Variants in GALC observed in about 807,000 individuals in gnomAD.
The protein encoded by GALC is galactocerebrosidase.
GALC carries 77 observed loss-of-function variants against 91.8 expected under a neutral mutation model. That is an observed-to-expected ratio of 0.84 (90% CI 0.70 to 1.01). The LOEUF is 1.01. Among genes scored for constraint, GALC ranks in the 50% least tolerant of loss-of-function variants. GALC has a pLI of 0.00. For synonymous variants in GALC, 357 were observed against 306.7 expected (o/e 1.16, Z -1.71); for missense variants, 882 against 855.9 (o/e 1.03, Z -0.38).
chr14:87,963,914 C>T (rs981939383), intron 9 of GALC, among the ~76,000 whole-genome samples: 5 of 151,936 alleles, frequency 3.3e-5, no homozygotes, highest in African/African-American at 1.2e-4. Context: ...TATTTATTTC[C>T]ACCACATGTA....
intron 14 of GALC, among the ~76,000 whole-genome samples, chr14:87,944,039 T>C (rs1884969417): frequency 6.6e-6 from 1 of 151,912 alleles, no homozygotes. Flanking sequence ...CCGGTTCCTT[T>C]CCTTTCAGAA....
At chr14:87,937,847 C>CAT (rs1353876630) in intron 16 of GALC, among the ~76,000 whole-genome samples, 2 of 151,482 alleles carry the variant, frequency 1.3e-5, no homozygotes, top group East Asian at 3.9e-4. Flanking sequence ...AACTGAAGGA[C>CAT]ATAGTGGCAA....
At chr14:87,955,761 T>A (rs1885511017) in intron 10 of GALC, among the ~76,000 whole-genome samples, 1 of 151,914 alleles carries the variant, frequency 6.6e-6, no homozygotes, top group Admixed American at 6.6e-5. Flanking sequence ...CGTTCTGTGG[T>A]TAGTTCGTGT....
intron 6 of GALC, among the ~76,000 whole-genome samples, chr14:87,980,958 G>A (rs904126608): frequency 2.6e-5 from 4 of 152,082 alleles, no homozygotes; most frequent in Non-Finnish European, 4.4e-5. Flanking sequence ...CTATAAACAC[G>A]CATGTGCAAG....
chr14:87,950,426 C>A (rs1005496778), intron 11 of GALC, among the ~76,000 whole-genome samples: 1 of 151,770 alleles, frequency 6.6e-6, no homozygotes, highest in African/African-American at 2.4e-5. Context: ...AACTTTCTTG[C>A]AAGTGACTTT....
intron 10 of GALC, among the ~76,000 whole-genome samples, chr14:87,956,574 TACACACACACCATATATATACACACAC>T (rs1358083085): frequency 1.4e-5 from 2 of 138,226 alleles, no homozygotes; most frequent in African/African-American, 2.6e-5. Flanking sequence ...TATATATATA[TACACACACACCATATATATACACACAC>T]ACACACACAC....
At chr14:87,968,311 T>C in intron 8 of GALC, 24 bp downstream of exon 8, 1 of 1,584,318 alleles carries the variant, frequency 6.3e-7, no homozygotes, top group Non-Finnish European at 8.6e-7. Flanking sequence ...TGATAAGAAC[T>C]CTAAAAGGTT....
At chr14:87,982,352 G>A (rs1428027563) in intron 5 of GALC, 109 bp from the exon 6 acceptor site, 24 of 722,158 alleles carry the variant, frequency 3.3e-5, no homozygotes, top group Admixed American at 1.1e-4. Context: ...TATCTGATAC[G>A]CCATTTTTTA....
At chr14:87,952,199 C>T (rs539891300) in intron 10 of GALC, among the ~76,000 whole-genome samples, 4 of 151,826 alleles carry the variant, frequency 2.6e-5, no homozygotes, top group South Asian at 4.2e-4. Context: ...GCTGATTCTT[C>T]GAGAAGATCA....
chr14:87,951,267 C>T (rs1239399495), intron 10 of GALC, among the ~76,000 whole-genome samples: 2 of 151,746 alleles, frequency 1.3e-5, no homozygotes, highest in African/African-American at 4.8e-5. Flanking sequence ...ACTAAATAGT[C>T]ACAACTATGG....
intron 8 of GALC, among the ~76,000 whole-genome samples, chr14:87,967,846 T>A (rs994752121): frequency 6.6e-6 from 1 of 152,160 alleles, no homozygotes; most frequent in African/African-American, 2.4e-5. Flanking sequence ...TGTGTGTGCT[T>A]GACTATTCCT....
intron 9 of GALC, among the ~76,000 whole-genome samples, chr14:87,964,810 T>C (rs1885963002): frequency 6.6e-6 from 1 of 152,124 alleles, no homozygotes; most frequent in African/African-American, 2.4e-5. Flanking sequence ...CTACGAAAAT[T>C]TGTGCTATGT....
chr14:87,986,668 TCCCCAC>T, intron 3 of GALC, 66 bp from the exon 4 acceptor site: 3 of 903,018 alleles, frequency 3.3e-6, no homozygotes, highest in Non-Finnish European at 5.5e-6. Context: ...ACCATCTCAC[TCCCCAC>T]CCCCACCCCA....
rs1567000484 is a variant in GALC, at chr14:87,976,388, G to C, written c.722C>G (p.Ala241Gly). 4 of 1,613,930 alleles carry C rather than the reference G, an allele frequency of 2.5e-6. No individual in the cohort carries two copies. The highest frequency in any genetic ancestry group is 3.4e-6 in the Non-Finnish European group (4 of 1,179,918). ...AACATCAACCACCTTGAAGAGTTCG[G>C]CATCAAGGAGCATGGATGCAGAGAT... ...ESISASMLLDAELFKVVDVIG... is the reference protein window; with the variant it reads ...ESISASMLLDGELFKVVDVIG... Residue 241 changes from alanine to glycine, a missense_variant, in exon 7 of 17, where the codon GCC becomes GGC. Transcript: ENST00000261304.
At chr14:87,958,248 A>T (rs1312257502) in intron 10 of GALC, among the ~76,000 whole-genome samples, 2 of 152,192 alleles carry the variant, frequency 1.3e-5, no homozygotes, top group Non-Finnish European at 2.9e-5. Context: ...AAAAGGAGAA[A>T]GGGAACAGAG....
chr14:87,952,212 A>C (rs139412265), intron 10 of GALC, among the ~76,000 whole-genome samples: 1 of 152,000 alleles, frequency 6.6e-6, no homozygotes, highest in African/African-American at 2.4e-5. Context: ...GAAGATCAAT[A>C]CAGTTGAAAA....
rs2139991961 is a variant in GALC at position 87,963,414 on chromosome 14, T to C, written c.1131A>G (p.Leu377=). Reference sequence around the variant, plus strand: ...TTTCAATGATGATGGTGAGGTTCCCTAAGCCATCAGTCAGAGCTACGTAGC... The same window carrying C: ...TTTCAATGATGATGGTGAGGTTCCCCAAGCCATCAGTCAGAGCTACGTAGC... ...GGSYVALTDG[L]GNLTIIIETM... The change falls in exon 10 of 17, where the codon TTA becomes TTG. Residue 377 remains leucine (L), a synonymous_variant. Transcript: ENST00000261304. 3 of 1,613,402 alleles carry C rather than the reference T, an allele frequency of 1.9e-6. No individual in the cohort carries two copies. The highest frequency in any genetic ancestry group is 2.5e-6 in the Non-Finnish European group (3 of 1,179,390).
chr14:87,954,251 G>A, intron 10 of GALC: 1 of 1,532,452 alleles, frequency 6.5e-7, no homozygotes, highest in East Asian at 2.3e-5. Flanking sequence ...TAGAATTGGA[G>A]CACCTTCAGC....
At chr14:87,952,748 T>C in intron 10 of GALC, 1 of 1,524,116 alleles carries the variant, frequency 6.6e-7, no homozygotes, top group South Asian at 1.1e-5. Flanking sequence ...ATAGACATGT[T>C]CATGTGAAAG....
Sources: allele counts gnomAD v4.1 joint callset (sites outside exome capture counted in the v4.1 genomes callset), GRCh38; gene constraint gnomAD v4.1.1; transcripts MANE v1.5; gene names NCBI Gene and HGNC (gene_info 2026-07-23, HGNC 2026-07-21).